AGTRAP: variants seen among roughly 807,000 people sequenced by gnomAD.
AGTRAP encodes the protein angiotensin II receptor associated protein.
A neutral mutation model predicts 15.2 loss-of-function variants in AGTRAP; 7 were observed. That is an observed-to-expected ratio of 0.46 (90% CI 0.26 to 0.87). AGTRAP has a LOEUF of 0.87. AGTRAP is among the 40% of genes least tolerant of loss of function. The pLI is 0.15. For missense variants in AGTRAP, 187 were observed against 213.4 expected (o/e 0.88, Z 0.77); for synonymous variants, 74 against 89.6 (o/e 0.83, Z 0.98).
chr1:11,741,409 C>T (rs1303558977), intron 1 of AGTRAP, among the ~76,000 whole-genome samples: 2 of 152,244 alleles, frequency 1.3e-5, no homozygotes, highest in Non-Finnish European at 2.9e-5. Flanking sequence ...ACTGAGAGCG[C>T]AGCTCCGAAT....
At chr1:11,737,043 A>G (rs1641917912) in intron 1 of AGTRAP, among the ~76,000 whole-genome samples, 2 of 152,240 alleles carry the variant, frequency 1.3e-5, no homozygotes, top group Non-Finnish European at 2.9e-5. Context: ...CTTTGAGGCA[A>G]TATCCAGGAA....
chr1:11,750,057 C>T lies in AGTRAP; in HGVS notation c.365-20C>T. 3 of 1,596,082 alleles carry T rather than the reference C, an allele frequency of 1.9e-6. No homozygotes were observed. The highest frequency in any genetic ancestry group is 2.7e-5 in the African/African-American group (2 of 74,644). On this transcript the variant is annotated intron_variant, in intron 4 of 4. Coordinates refer to ENST00000314340, the MANE Select transcript of AGTRAP (RefSeq NM_020350.5). ...TCTCACCCTTCATTTTTCTTTCCCA[C>T]CATGTCCCCTGTCACCTAGGTTTCC...
intron 1 of AGTRAP, 114 bp downstream of exon 1, chr1:11,736,349 G>T (rs1402379196): frequency 4.2e-5 from 60 of 1,442,792 alleles, no homozygotes; most frequent in Non-Finnish European, 5.7e-5. Context: ...TGGTAGGGAG[G>T]AAGGGAAGGT....
At chr1:11,743,819 G>T (rs905921227) in intron 1 of AGTRAP, among the ~76,000 whole-genome samples, 1 of 151,898 alleles carries the variant, frequency 6.6e-6, no homozygotes, top group African/African-American at 2.4e-5. Flanking sequence ...GCCCACCTCA[G>T]CCTCCCAAAG....
intron 1 of AGTRAP, among the ~76,000 whole-genome samples, chr1:11,741,407 C>T (rs368201468): frequency 2.0e-5 from 3 of 152,328 alleles, no homozygotes; most frequent in African/African-American, 4.8e-5. Flanking sequence ...GTACTGAGAG[C>T]GCAGCTCCGA....
chr1:11,744,796 C>A (rs1327221122), intron 1 of AGTRAP, among the ~76,000 whole-genome samples: 1 of 152,142 alleles, frequency 6.6e-6, no homozygotes, highest in African/African-American at 2.4e-5. Context: ...AATGGCTACT[C>A]CATAGGCAGA....
chr1:11,749,438 T>C (rs964592594), intron 4 of AGTRAP, among the ~76,000 whole-genome samples: 1 of 151,922 alleles, frequency 6.6e-6, no homozygotes, highest in Non-Finnish European at 1.5e-5. Context: ...AGGTGAGGGG[T>C]GCCAGAATGT....
intron 4 of AGTRAP, 125 bp from the exon 5 acceptor site, chr1:11,749,952 C>T (rs1223891651): frequency 1.5e-6 from 1 of 682,812 alleles, no homozygotes; most frequent in African/African-American, 1.8e-5. Context: ...CTGCCTCTGT[C>T]TCTGTGCATG....
At chr1:11,747,355 A>G in intron 2 of AGTRAP, 85 bp from the exon 3 acceptor site, 1 of 1,249,084 alleles carries the variant, frequency 8.0e-7, no homozygotes, top group East Asian at 2.3e-5. Context: ...ATGTTCTGGG[A>G]GGAGGCCCTG....
intron 1 of AGTRAP, among the ~76,000 whole-genome samples, chr1:11,740,060 G>A (rs1335909078): frequency 6.6e-6 from 1 of 152,178 alleles, no homozygotes; most frequent in Non-Finnish European, 1.5e-5. Flanking sequence ...GAGAGTCCAG[G>A]GGCTCAGGTC....
intron 1 of AGTRAP, among the ~76,000 whole-genome samples, chr1:11,742,460 C>G (rs1319691065): frequency 6.6e-6 from 1 of 151,054 alleles, no homozygotes; most frequent in African/African-American, 2.4e-5. Flanking sequence ...TTCCTTCCTT[C>G]CTTCTTTCCT....
Position 11,745,935 on chromosome 1 carries a change from T to C in AGTRAP, c.62+98T>C. ...TTCTGCCGTGTTTTAACCAGGTCACTTTGGGCCAGACAGCTCTGCCTCTCC... is the reference window on the plus strand; with the variant it reads ...TTCTGCCGTGTTTTAACCAGGTCACCTTGGGCCAGACAGCTCTGCCTCTCC... On this transcript the variant is annotated intron_variant, in intron 2 of 4. Transcript: ENST00000314340. This position sits in a 1 kb window ranked among gnomAD's most constrained non-coding sequence, Gnocchi z 4.2. The C allele has an allele frequency of 6.6e-7, 1 of 1,519,860 alleles. No individual in the cohort carries two copies. The highest frequency in any genetic ancestry group is 1.1e-5 in the South Asian group (1 of 88,958). 94.1% of individuals were successfully genotyped at this position (1,519,860 alleles called of 1,614,324 possible). A position where few individuals can be genotyped will look rare whatever the true frequency, so the allele number is the denominator to read the frequency against.
intron 1 of AGTRAP, among the ~76,000 whole-genome samples, chr1:11,738,100 C>T (rs1641943702): frequency 6.6e-6 from 1 of 152,132 alleles, no homozygotes; most frequent in African/African-American, 2.4e-5. Context: ...TGGATCTGGC[C>T]ACCCTGTGGA....
At chr1:11,747,163 G>A (rs999782224) in intron 2 of AGTRAP, among the ~76,000 whole-genome samples, 6 of 152,178 alleles carry the variant, frequency 3.9e-5, no homozygotes, top group African/African-American at 9.7e-5. Flanking sequence ...CTACGTTACC[G>A]GTTGCTGTTT....
At position 11,750,723 on chromosome 1, in the gene AGTRAP, C is replaced by T. The variant is rs547940822; in HGVS notation, c.*531C>T. On this transcript the variant is annotated 3_prime_UTR_variant, in exon 5 of 5. Transcript: ENST00000314340. ...CAACACTGTGTCCCACCACAACCTC[C>T]AGCCTCCCTTTTCAGAGCACAGCAT... is the stretch of plus-strand genomic sequence containing the variant. 4.2e-5 allele frequency: 8 copies of T among 188,406 alleles called. No individual in the cohort carries two copies. In the East Asian group the frequency reaches 1.1e-3, roughly 27 times the overall value. 11.7% of individuals were successfully genotyped at this position (188,406 alleles called of 1,614,324 possible).
Position 11,745,755 on chromosome 1 carries a change from T to C in AGTRAP, c.28-48T>C, listed in dbSNP as rs1241918372. 8 of 1,605,244 alleles carry C rather than the reference T, an allele frequency of 5.0e-6. No individual in the cohort carries two copies. The Admixed American group carries it at 1.3e-4, about 27-fold the overall frequency. On this transcript the variant is annotated intron_variant, in intron 1 of 4. Transcript: ENST00000314340. This position sits in a 1 kb window ranked among gnomAD's most constrained non-coding sequence, Gnocchi z 4.2. The stretch of plus-strand genomic sequence containing the variant: ...TGCACCCGACGCTTTCCTGCCCCTG[T>C]GGTGGTCATGTTCACAGACCTCTTC...
At chr1:11,743,185 G>T (rs1026374251) in intron 1 of AGTRAP, among the ~76,000 whole-genome samples, 1 of 151,738 alleles carries the variant, frequency 6.6e-6, no homozygotes, top group African/African-American at 2.4e-5. Flanking sequence ...CTCAGCCTGG[G>T]TCCCTTCCCT....
chr1:11,749,429 G>T (rs1642258342), intron 4 of AGTRAP, among the ~76,000 whole-genome samples: 1 of 152,146 alleles, frequency 6.6e-6, no homozygotes, highest in South Asian at 2.1e-4. Flanking sequence ...CCTGCCCCCA[G>T]GTGAGGGGTG....
In AGTRAP at chr1:11,750,138, C is replaced by G. The variant is rs563810058; in HGVS notation, c.426C>G (p.Pro142=). The G allele has an allele frequency of 6.2e-7, 1 of 1,614,076 alleles. No individual in the cohort carries two copies. The highest frequency in any genetic ancestry group is 1.3e-5 in the African/African-American group (1 of 75,036). ...AYQTIDSAEA[P]ADPFAVPEGR... is the part of the protein sequence containing the mutation. ...AGACGATTGACTCAGCAGAGGCGCCCGCAGATCCCTTTGCAGTCCCAGAGG... is the reference window on the plus strand; with the variant it reads ...AGACGATTGACTCAGCAGAGGCGCCGGCAGATCCCTTTGCAGTCCCAGAGG... The change falls in exon 5 of 5, where the codon CCC becomes CCG. Residue 142 remains proline (P), a synonymous_variant. Transcript: ENST00000314340.
Sources: gnomAD v4.1 joint callset for allele counts (sites outside exome capture counted in the v4.1 genomes callset) on GRCh38, gnomAD v4.1.1 for gene constraint, Gnocchi (gnomAD v3.1) non-coding constraint, MANE v1.5 for transcripts, NCBI Gene and HGNC (gene_info 2026-07-23, HGNC 2026-07-21) for gene names.